CSRNP3: variants seen among roughly 807,000 people sequenced by gnomAD.
CSRNP3 encodes cysteine/serine-rich nuclear protein 3.
Under a neutral mutation model 48.0 loss-of-function variants are expected in CSRNP3, and 12 were observed. The ratio of observed to expected loss-of-function variants is 0.25; its 90% CI spans 0.16 to 0.41. The LOEUF (loss-of-function observed/expected upper bound fraction) is 0.41, where lower values mean the gene tolerates loss of function less well. Ranked by LOEUF, CSRNP3 falls within the 10% of genes least tolerant of loss-of-function variation. The pLI is 1.00. For missense variants in CSRNP3, 580 were observed against 724.4 expected (o/e 0.80, Z 2.29); for synonymous variants, 263 against 269.7 (o/e 0.98, Z 0.24).
At chr2:165,582,336 C>A (rs557174920) in intron 3 of CSRNP3, among the ~76,000 whole-genome samples, 1 of 152,346 alleles carries the variant, frequency 6.6e-6, no homozygotes, top group East Asian at 1.9e-4. Context: ...ATCTAACCAC[C>A]TTTTAGGAAA....
intron 4 of CSRNP3, among the ~76,000 whole-genome samples, chr2:165,622,044 TCTC>T (rs1686349575): frequency 6.6e-6 from 1 of 152,136 alleles, no homozygotes; most frequent in African/African-American, 2.4e-5. Flanking sequence ...TTTTGAAACA[TCTC>T]CTTTCTAAAA....
At chr2:165,665,807 G>GAGAGAA (rs1687173619) in intron 5 of CSRNP3, among the ~76,000 whole-genome samples, 1 of 149,004 alleles carries the variant, frequency 6.7e-6, no homozygotes, top group African/African-American at 2.5e-5. Context: ...GAGAGAAAGA[G>GAGAGAA]AGAAAGAGAA....
intron 3 of CSRNP3, among the ~76,000 whole-genome samples, chr2:165,554,684 A>C (rs917667571): frequency 6.6e-6 from 1 of 152,120 alleles, no homozygotes; most frequent in African/African-American, 2.4e-5. Flanking sequence ...GATCCAAGCC[A>C]CCATCATCTA....
chr2:165,514,898 G>T (rs1211666673), intron 2 of CSRNP3, among the ~76,000 whole-genome samples: 1 of 152,170 alleles, frequency 6.6e-6, no homozygotes, highest in Non-Finnish European at 1.5e-5. Context: ...GGCTTCACTG[G>T]CCTTAGTTAG....
intron 3 of CSRNP3, among the ~76,000 whole-genome samples, chr2:165,584,071 G>C (rs1244153197): frequency 2.0e-5 from 3 of 152,050 alleles, no homozygotes; most frequent in African/African-American, 7.3e-5. Context: ...CTGTTACAAG[G>C]GTTTGTGATA....
chr2:165,640,201 G>A (rs1026975116), intron 4 of CSRNP3, among the ~76,000 whole-genome samples: 7 of 152,044 alleles, frequency 4.6e-5, no homozygotes, highest in South Asian at 2.1e-4. Context: ...TACTTACTAC[G>A]TGCCAAACTT....
At chr2:165,628,491 AG>A in intron 4 of CSRNP3, among the ~76,000 whole-genome samples, 1 of 152,048 alleles carries the variant, frequency 6.6e-6, no homozygotes, top group Admixed American at 6.5e-5. Context: ...TGGGAGGCCG[AG>A]GGGGGCAGAT....
intron 4 of CSRNP3, among the ~76,000 whole-genome samples, chr2:165,625,563 G>C (rs923963873): frequency 6.6e-6 from 1 of 151,876 alleles, no homozygotes; most frequent in African/African-American, 2.4e-5. Context: ...GAACCTGGGA[G>C]GCAGAGGTTG....
intron 5 of CSRNP3, among the ~76,000 whole-genome samples, chr2:165,665,876 G>C (rs1687176391): frequency 6.7e-6 from 1 of 149,610 alleles, no homozygotes; most frequent in Non-Finnish European, 1.5e-5. Context: ...GAGAAAGAAA[G>C]AGAGAGAGGA....
At chr2:165,559,539 A>G (rs1287752285) in intron 3 of CSRNP3, among the ~76,000 whole-genome samples, 1 of 152,132 alleles carries the variant, frequency 6.6e-6, no homozygotes, top group African/African-American at 2.4e-5. Context: ...TTATTAATAG[A>G]CTTTATAGAA....
intron 3 of CSRNP3, among the ~76,000 whole-genome samples, chr2:165,545,172 G>T (rs779286831): frequency 4.6e-5 from 7 of 152,124 alleles, no homozygotes; most frequent in Non-Finnish European, 8.8e-5. Context: ...TGAGCTGGTG[G>T]TAGTAAAGGC....
intron 5 of CSRNP3, among the ~76,000 whole-genome samples, chr2:165,669,385 G>A (rs1687291427): frequency 1.3e-5 from 2 of 151,988 alleles, no homozygotes; most frequent in African/African-American, 4.8e-5. Context: ...ATTGAATTAG[G>A]TGTTTGGGGG....
chr2:165,568,729 C>G (rs888346129), intron 3 of CSRNP3, among the ~76,000 whole-genome samples: 10 of 152,156 alleles, frequency 6.6e-5, no homozygotes, highest in Admixed American at 4.6e-4. Context: ...AAATTAGACT[C>G]TACTTCTGGC....
chr2:165,497,133 T>C (rs1684293399), intron 2 of CSRNP3, among the ~76,000 whole-genome samples: 1 of 152,016 alleles, frequency 6.6e-6, no homozygotes, highest in South Asian at 2.1e-4. Flanking sequence ...TATTTTGACG[T>C]GTGGTTTTAA....
At chr2:165,608,932 T>TA (rs1419580411) in intron 4 of CSRNP3, among the ~76,000 whole-genome samples, 12 of 19,936 alleles carry the variant, frequency 6.0e-4, no homozygotes, top group African/African-American at 1.8e-3. Flanking sequence ...CTACTAAAAA[T>TA]ACAAAAAAAA....
chr2:165,656,844 G>A (rs1687013133), intron 4 of CSRNP3, among the ~76,000 whole-genome samples: 2 of 152,092 alleles, frequency 1.3e-5, no homozygotes, highest in African/African-American at 4.8e-5. Context: ...TGTACTATGT[G>A]TCTTTTTTGA....
intron 4 of CSRNP3, 91 bp from the exon 5 acceptor site, chr2:165,657,670 G>A: frequency 6.7e-7 from 1 of 1,502,096 alleles, no homozygotes; most frequent in Admixed American, 1.8e-5. Context: ...GTTGGCCACA[G>A]ATAGATTCAA....
chr2:165,589,680 C>G (rs561399386), intron 3 of CSRNP3, among the ~76,000 whole-genome samples: 55 of 152,248 alleles, frequency 3.6e-4, no homozygotes, highest in Admixed American at 1.0e-3. Flanking sequence ...TTGACATCCC[C>G]AAATTTAACT....
At chr2:165,482,005 A>T (rs1457221060) in intron 1 of CSRNP3, among the ~76,000 whole-genome samples, 2 of 152,148 alleles carry the variant, frequency 1.3e-5, no homozygotes, top group East Asian at 3.9e-4. Flanking sequence ...AGATGGGACC[A>T]TGCATACACC....
Sources: gnomAD v4.1 joint callset for allele counts (sites outside exome capture counted in the v4.1 genomes callset) on GRCh38, gnomAD v4.1.1 for gene constraint, MANE v1.5 for transcripts, NCBI Gene and HGNC (gene_info 2026-07-23, HGNC 2026-07-21) for gene names.